The following ID4 variants were observed in gnomAD, a reference collection of about 807,000 sequenced individuals.
ID4 encodes DNA-binding protein inhibitor ID-4.
Under a neutral mutation model 8.6 loss-of-function variants are expected in ID4, and 9 were observed. The ratio of observed to expected loss-of-function variants is 1.04; its 90% CI spans 0.63 to 1.82. ID4 has a LOEUF of 1.82. Ranked by LOEUF, ID4 falls within the 40% of genes most tolerant of loss-of-function variation. The pLI is 0.00. For missense variants in ID4, 270 were observed against 235.1 expected, an observed-to-expected ratio of 1.15 and a Z score of -0.97; for synonymous variants, 180 against 118.0, an observed-to-expected ratio of 1.53 and a Z score of -3.41.
rs1259859210 is a variant in ID4 at position 19,841,008 on chromosome 6, C to G, written c.*1813C>G. 6.6e-6 allele frequency among the ~76,000 whole-genome samples: 1 copy of G among 152,080 alleles called. No homozygotes were observed. The highest frequency in any genetic ancestry group is 1.9e-4 in the East Asian group (1 of 5,196). ...AGACCCAAGGGACTTCTTATGAGGT[C>G]AAATTCAGATATTTATATGAATATG... On this transcript the variant is annotated 3_prime_UTR_variant, in exon 3 of 3. Coordinates refer to ENST00000378700, the MANE Select transcript of ID4 (RefSeq NM_001546.4).
rs1191650200 is a variant in ID4, at chr6:19,840,903, C to T, written c.*1708C>T. Among the ~76,000 whole-genome samples the T allele has an allele frequency of 1.3e-5, 2 of 152,198 alleles. No homozygotes were observed. Among genetic ancestry groups the T allele is most frequent in the South Asian group, 4.1e-4 (2 of 4,826 alleles). ...TTTAATTGGGTGCTTTGTAAATAGT[C>T]AACTGTGTGTATAACGTGGTCTGTT... is the stretch of plus-strand genomic sequence containing the variant. On this transcript the variant is annotated 3_prime_UTR_variant, in exon 3 of 3. Transcript: ENST00000378700.
rs1426029316 is a variant in ID4, at chr6:19,837,501, T to C, written c.-254T>C. ...GAGTGACTAGGACACCCGGGTGGGCTACTTTTCTTCCGGTGCTTTTGCTTT... is the reference window on the plus strand; with the variant it reads ...GAGTGACTAGGACACCCGGGTGGGCCACTTTTCTTCCGGTGCTTTTGCTTT... On this transcript the variant is annotated 5_prime_UTR_variant, in exon 1 of 3. Transcript: ENST00000378700. 6 of 174,434 alleles carry C rather than the reference T, an allele frequency of 3.4e-5. No individual in the cohort carries two copies. The highest frequency in any genetic ancestry group is 1.5e-4 in the African/African-American group (6 of 40,936). 10.8% of individuals were successfully genotyped at this position (174,434 alleles called of 1,614,324 possible). A position where few individuals can be genotyped will look rare whatever the true frequency, so the allele number is the denominator to read the frequency against.
In ID4 at chr6:19,841,235, T is replaced by G. The variant is rs570771790; in HGVS notation, c.*2040T>G. 6.6e-6 allele frequency among the ~76,000 whole-genome samples: 1 copy of G among 152,342 alleles called. No homozygotes were observed. Among genetic ancestry groups the G allele is most frequent in the African/African-American group, 2.4e-5 (1 of 41,590 alleles). The stretch of plus-strand genomic sequence containing the variant: ...GAACGTTATAAAGTCAAAGAACTGC[T>G]TGTTTAGATGAGGTTTATTTTTATT... On this transcript the variant is annotated 3_prime_UTR_variant, in exon 3 of 3. Transcript: ENST00000378700.
rs945609543 is a variant in ID4 at position 19,838,205 on chromosome 6, C to T, written c.441+10C>T. 28 of 1,348,702 alleles carry T rather than the reference C, an allele frequency of 2.1e-5. No homozygotes were observed. In the African/African-American group the frequency reaches 4.0e-4, roughly 19 times the overall value. 83.5% of individuals were successfully genotyped at this position (1,348,702 alleles called of 1,614,324 possible). A position where few individuals can be genotyped will look rare whatever the true frequency, so the allele number is the denominator to read the frequency against. On this transcript the variant is annotated intron_variant, in intron 1 of 2. Coordinates refer to ENST00000378700, the MANE Select transcript of ID4 (RefSeq NM_001546.4). ...GCTCAACACCGACCCGGTGAGAGGC[C>T]GGGCGCCGGCCGTGGGCGGACGCCG...
rs977852978 is a variant in ID4 at position 19,841,190 on chromosome 6, T to G, written c.*1995T>G. Among the ~76,000 whole-genome samples the G allele has an allele frequency of 3.3e-5, 5 of 152,172 alleles. No individual in the cohort carries two copies. Among genetic ancestry groups the G allele is most frequent in the Admixed American group, 2.6e-4 (4 of 15,276 alleles). ...GCTCTGATAATTTACTGGTCTTGAG[T>G]ATTTTGAGAATTTGATGTTGAACGT... On this transcript the variant is annotated 3_prime_UTR_variant, in exon 3 of 3. Transcript: ENST00000378700.
rs72547243 is a variant in ID4 at position 19,839,829 on chromosome 6, ATGTG to A, written c.*640_*643del. 1.8e-4 allele frequency: 28 copies of A among 152,102 alleles called. No homozygotes were observed. In the East Asian group the frequency reaches 3.1e-3, roughly 17 times the overall value. The allele number at this position is 152,102 out of a possible 1,614,324, so 9.4% of individuals were successfully genotyped here. Reference sequence around the variant, plus strand: ...AATTAAATATTTTTTTGTAAATATTATGTGTGTGTTTTTTTTTAATCTATGGGAA... The same window carrying A: ...AATTAAATATTTTTTTGTAAATATTATGTGTTTTTTTTTAATCTATGGGAA... On this transcript the variant is annotated 3_prime_UTR_variant, in exon 3 of 3. Coordinates refer to ENST00000378700, the MANE Select transcript of ID4 (RefSeq NM_001546.4).
At position 19,837,595 on chromosome 6, in the gene ID4, C is replaced by T. The variant is rs1440114380; in HGVS notation, c.-160C>T. 2.2e-5 allele frequency: 7 copies of T among 321,468 alleles called. No homozygotes were observed. Among genetic ancestry groups the T allele is most frequent in the South Asian group, 1.3e-4 (1 of 7,478 alleles). The allele number at this position is 321,468 out of a possible 1,614,324, so 19.9% of individuals were successfully genotyped here. On this transcript the variant is annotated 5_prime_UTR_variant, in exon 1 of 3. Coordinates refer to ENST00000378700, the MANE Select transcript of ID4 (RefSeq NM_001546.4). ...GATTCCCTCGTAAAACCCAGAGCGA[C>T]CCTCCCGTCAATTGTTGGGCTCGGG...
rs1761361047 is a variant in ID4, at chr6:19,841,657, T to G, written c.*2462T>G. 6.6e-6 allele frequency among the ~76,000 whole-genome samples: 1 copy of G among 152,200 alleles called. No homozygotes were observed. The highest frequency in any genetic ancestry group is 2.4e-5 in the African/African-American group (1 of 41,468). ...TTTCAAAGAGTTGGCATTTTCCCTT[T>G]GGCCACTCAAGCAGCATTTGATGTA... is the stretch of plus-strand genomic sequence containing the variant. On this transcript the variant is annotated 3_prime_UTR_variant, in exon 3 of 3. Transcript: ENST00000378700.
rs969487868 is a variant in ID4, at chr6:19,839,381, C to A, written c.*186C>A. On this transcript the variant is annotated 3_prime_UTR_variant, in exon 3 of 3. Coordinates refer to ENST00000378700, the MANE Select transcript of ID4 (RefSeq NM_001546.4). ...AAGAAAAATACAACTTTCATTCTTT[C>A]TTTGCACGTTCATAAACATTCTACA... is the stretch of plus-strand genomic sequence containing the variant. The A allele has an allele frequency of 6.5e-6, 1 of 152,672 alleles. No homozygotes were observed. Among genetic ancestry groups the A allele is most frequent in the African/African-American group, 2.4e-5 (1 of 41,452 alleles). The allele number at this position is 152,672 out of a possible 1,614,324, so 9.5% of individuals were successfully genotyped here.
intron 1 of ID4, 31 bp from the exon 2 acceptor site, chr6:19,838,553 C>T (rs766373017): frequency 2.5e-6 from 4 of 1,613,972 alleles, no homozygotes; most frequent in Middle Eastern, 1.7e-4. Context: ...CGCCTGCTAA[C>T]CTTTCCCTTG....
rs568416313 is a variant in ID4, at chr6:19,840,313, A to C, written c.*1118A>C. On this transcript the variant is annotated 3_prime_UTR_variant, in exon 3 of 3. Transcript: ENST00000378700. ...AAAATTGCTTATTACTCTTCATTTT[A>C]CACTAAAGCTTAATGTCACTAAGTT... 1 of 152,708 alleles carries C rather than the reference A, an allele frequency of 6.5e-6. No individual in the cohort carries two copies. The highest frequency in any genetic ancestry group is 2.4e-5 in the African/African-American group (1 of 41,570). 9.5% of individuals were successfully genotyped at this position (152,708 alleles called of 1,614,324 possible).
At chr6:19,838,486 C>T in intron 1 of ID4, 98 bp from the exon 2 acceptor site, 2 of 1,530,264 alleles carry the variant, frequency 1.3e-6, no homozygotes, top group South Asian at 1.1e-5. Flanking sequence ...GTGGGGGCGT[C>T]GGCGCGCCAG....
Position 19,841,071 on chromosome 6 carries a change from T to C in ID4, c.*1876T>C, listed in dbSNP as rs765160345. The stretch of plus-strand genomic sequence containing the variant: ...CCCTAGTAGTCAGTTGAAGTGGCAA[T>C]GTCTAAACAGAAATGAACAAAACTA... On this transcript the variant is annotated 3_prime_UTR_variant, in exon 3 of 3. Transcript: ENST00000378700. 2.4e-4 allele frequency among the ~76,000 whole-genome samples: 36 copies of C among 152,282 alleles called. No individual in the cohort carries two copies. The highest frequency in any genetic ancestry group is 6.8e-3 in the Middle Eastern group (2 of 294).
At position 19,839,135 on chromosome 6, in the gene ID4, G is replaced by A. The variant is rs187917612; in HGVS notation, c.*15-75G>A. 1.8e-3 allele frequency: 303 copies of A among 165,078 alleles called. 1 individual carries two copies. The highest frequency in any genetic ancestry group is 2.7e-3 in the Non-Finnish European group (206 of 75,708). The allele number at this position is 165,078 out of a possible 1,614,324, so 10.2% of individuals were successfully genotyped here. A position where few individuals can be genotyped will look rare whatever the true frequency, so the allele number is the denominator to read the frequency against. On this transcript the variant is annotated intron_variant, in intron 2 of 2. Transcript: ENST00000378700. The stretch of plus-strand genomic sequence containing the variant: ...TTGGGTTGTTGATCAAGCATGTCTT[G>A]AGTTTGGTCGGTGGCGCCAGTTAGT...
At position 19,840,871 on chromosome 6, in the gene ID4, A is replaced by G. The variant is rs1424148739; in HGVS notation, c.*1676A>G. Among the ~76,000 whole-genome samples, 1 of 152,170 alleles carries G rather than the reference A, an allele frequency of 6.6e-6. No homozygotes were observed. The highest frequency in any genetic ancestry group is 1.5e-5 in the Non-Finnish European group (1 of 68,002). On this transcript the variant is annotated 3_prime_UTR_variant, in exon 3 of 3. Coordinates refer to ENST00000378700, the MANE Select transcript of ID4 (RefSeq NM_001546.4). ...TGGAATTTTTAGAGTGAAAGAATTA[A>G]GTAGGATTTAATTGGGTGCTTTGTA...
At chr6:19,838,326 T>C (rs1761273445) in intron 1 of ID4, 131 bp downstream of exon 1, 1 of 1,021,976 alleles carries the variant, frequency 9.8e-7, no homozygotes, top group Non-Finnish European at 1.3e-6. Context: ...CTCCCCCTGC[T>C]CCTCCGGGCT....
In ID4 at chr6:19,838,192, C is replaced by A; in HGVS notation, c.438C>A (p.Asp146Glu). The A allele has an allele frequency of 7.2e-7, 1 of 1,389,530 alleles. No homozygotes were observed. The highest frequency in any genetic ancestry group is 3.1e-5 in the East Asian group (1 of 32,530). 86.1% of individuals were successfully genotyped at this position (1,389,530 alleles called of 1,614,324 possible). A position where few individuals can be genotyped will look rare whatever the true frequency, so the allele number is the denominator to read the frequency against. ...CCCCGCTCACTGCGCTCAACACCGACCCGGTGAGAGGCCGGGCGCCGGCCG... is the reference window on the plus strand; with the variant it reads ...CCCCGCTCACTGCGCTCAACACCGAACCGGTGAGAGGCCGGGCGCCGGCCG... ...PRTPLTALNT[D>E]PAGAVNKQGD... Residue 146 changes from aspartate to glutamate, a missense_variant, in exon 1 of 3, where the codon GAC (aspartate) becomes GAA (glutamate). Around this residue, in one of 3 missense-constraint regions of ID4, gnomAD observed 107 missense variants for 81.0 expected, o/e 1.32. Transcript: ENST00000378700.
In ID4 at chr6:19,841,359, T is replaced by C. The variant is rs749763866; in HGVS notation, c.*2164T>C. 2.6e-5 allele frequency among the ~76,000 whole-genome samples: 4 copies of C among 152,240 alleles called. No homozygotes were observed. Among genetic ancestry groups the C allele is most frequent in the Non-Finnish European group, 4.4e-5 (3 of 68,024 alleles). On this transcript the variant is annotated 3_prime_UTR_variant, in exon 3 of 3. Coordinates refer to ENST00000378700, the MANE Select transcript of ID4 (RefSeq NM_001546.4). ...ATTCTAACGACTGCATTCTTTGTTA[T>C]TAAAAAGGGCACAATCCTTCCTTTT...
In ID4 at chr6:19,838,672, C is replaced by T. The variant is rs368933499; in HGVS notation, c.*14+30C>T. ...GCGCGCATTTCCCGTCTCGGGTGGC[C>T]GGTCACCAGAGACGCCCGTCCCCGA... On this transcript the variant is annotated intron_variant, in intron 2 of 2. Transcript: ENST00000378700. 1.2e-5 allele frequency: 19 copies of T among 1,602,318 alleles called. No homozygotes were observed. The African/African-American group carries it at 2.3e-4, about 19-fold the overall frequency.
Sources: allele counts gnomAD v4.1 joint callset (sites outside exome capture counted in the v4.1 genomes callset), GRCh38; gene constraint gnomAD v4.1.1; regional missense constraint gnomAD v4.1.1; transcripts MANE v1.5; gene names NCBI Gene and HGNC (gene_info 2026-07-23, HGNC 2026-07-21).